Variants in NRXN3 observed in about 807,000 individuals in gnomAD.
The protein encoded by NRXN3 is neurexin III.
Under a neutral mutation model 137.6 loss-of-function variants are expected in NRXN3, and 32 were observed. That is an observed-to-expected ratio of 0.23 (90% CI 0.18 to 0.31). The LOEUF (loss-of-function observed/expected upper bound fraction) is 0.31. Among genes scored for constraint, NRXN3 ranks in the 10% least tolerant of loss-of-function variants. NRXN3 has a pLI of 1.00. For synonymous variants in NRXN3, 798 were observed against 784.5 expected, an observed-to-expected ratio of 1.02 and a Z score of -0.29; for missense variants, 1,574 against 2,062.5, an observed-to-expected ratio of 0.76 and a Z score of 4.59.
At chr14:78,674,775 G>A (rs2097982648) in intron 6 of NRXN3, among the ~76,000 whole-genome samples, 2 of 152,194 alleles carry the variant, frequency 1.3e-5, no homozygotes, top group African/African-American at 2.4e-5. Context: ...ACATTAAAAT[G>A]TTTTGCTTGA....
intron 15 of NRXN3, among the ~76,000 whole-genome samples, chr14:79,465,580 C>T (rs2096410636): frequency 1.3e-5 from 2 of 152,144 alleles, no homozygotes; most frequent in Non-Finnish European, 2.9e-5. Flanking sequence ...TCTAGTCTCA[C>T]AAGAGTTAAC....
At chr14:79,435,932 C>G (rs1333679711) in intron 15 of NRXN3, among the ~76,000 whole-genome samples, 2 of 152,112 alleles carry the variant, frequency 1.3e-5, no homozygotes, top group Non-Finnish European at 2.9e-5. Flanking sequence ...CCACACTTGG[C>G]AAATATTTAA....
intron 16 of NRXN3, among the ~76,000 whole-genome samples, chr14:79,601,199 C>G (rs960731060): frequency 1.3e-5 from 2 of 151,920 alleles, no homozygotes; most frequent in Admixed American, 6.6e-5. Flanking sequence ...CACGCCACCA[C>G]GCCCAACTAA....
At chr14:78,446,959 G>A (rs1012890763) in intron 4 of NRXN3, among the ~76,000 whole-genome samples, 7 of 152,128 alleles carry the variant, frequency 4.6e-5, no homozygotes, top group African/African-American at 1.7e-4. Context: ...AGCTTTACTC[G>A]CCATTTAAAG....
intron 15 of NRXN3, among the ~76,000 whole-genome samples, chr14:79,289,698 T>A (rs914847960): frequency 2.0e-5 from 3 of 152,192 alleles, no homozygotes; most frequent in African/African-American, 7.2e-5. Context: ...CTTGGTGTGT[T>A]CTGAAGGCTT....
chr14:78,417,705 T>C (rs934172309), intron 4 of NRXN3, among the ~76,000 whole-genome samples: 11 of 152,206 alleles, frequency 7.2e-5, no homozygotes, highest in Admixed American at 6.5e-4. Context: ...GGAGACAAGA[T>C]TCTCATCTTG....
chr14:79,345,578 T>C (rs2092829831), intron 15 of NRXN3, among the ~76,000 whole-genome samples: 1 of 152,172 alleles, frequency 6.6e-6, no homozygotes, highest in Non-Finnish European at 1.5e-5. Context: ...ATCCCCAGTG[T>C]TGGCGATGCA....
intron 15 of NRXN3, among the ~76,000 whole-genome samples, chr14:79,162,828 C>A (rs991599478): frequency 1.7e-4 from 26 of 151,838 alleles, no homozygotes; most frequent in Admixed American, 1.6e-3. Flanking sequence ...GCTGTGTCTC[C>A]TCTACTCCCC....
intron 4 of NRXN3, among the ~76,000 whole-genome samples, chr14:78,328,102 T>C (rs2080323792): frequency 1.3e-5 from 2 of 152,102 alleles, no homozygotes; most frequent in Admixed American, 1.3e-4. Context: ...AGTTGACACA[T>C]AACAAAGCCG....
chr14:79,196,333 A>G (rs944064382), intron 15 of NRXN3, among the ~76,000 whole-genome samples: 1 of 152,206 alleles, frequency 6.6e-6, no homozygotes, highest in Non-Finnish European at 1.5e-5. Context: ...GGGAAGTCTT[A>G]GTGCATGAAA....
chr14:79,506,742 C>T (rs2096882723), intron 16 of NRXN3, among the ~76,000 whole-genome samples: 2 of 152,072 alleles, frequency 1.3e-5, no homozygotes, highest in African/African-American at 4.8e-5. Context: ...AACCCCATAA[C>T]CTTTCATCTA....
At chr14:79,635,638 G>C (rs560941759) in intron 16 of NRXN3, among the ~76,000 whole-genome samples, 6 of 152,160 alleles carry the variant, frequency 3.9e-5, no homozygotes, top group Non-Finnish European at 8.8e-5. Flanking sequence ...TCCTTGGCTT[G>C]CAACTGCATC....
intron 19 of NRXN3, among the ~76,000 whole-genome samples, chr14:79,725,894 A>C (rs1457461877): frequency 6.6e-6 from 1 of 152,110 alleles, no homozygotes; most frequent in Non-Finnish European, 1.5e-5. Context: ...TACTTTTTGC[A>C]ACATGGGGAG....
chr14:79,757,023 AGTT>A (rs2099021945), intron 19 of NRXN3, among the ~76,000 whole-genome samples: 1 of 152,156 alleles, frequency 6.6e-6, no homozygotes, highest in Non-Finnish European at 1.5e-5. Context: ...CCAAATTAGT[AGTT>A]ATTCCTCATG....
chr14:79,237,799 G>A (rs936376625), intron 15 of NRXN3, among the ~76,000 whole-genome samples: 1 of 152,056 alleles, frequency 6.6e-6, no homozygotes, highest in African/African-American at 2.4e-5. Context: ...TTTTATTCAT[G>A]GATTAAAATC....
chr14:78,679,521 T>A lies in NRXN3; in HGVS notation c.1221+28195T>A, dbSNP rs1274151863. Among the ~76,000 whole-genome samples, 4 of 152,206 alleles carry A rather than the reference T, an allele frequency of 2.6e-5. No individual in the cohort carries two copies. In the East Asian group the frequency reaches 7.7e-4, roughly 29 times the overall value. On this transcript the variant is annotated intron_variant, in intron 6 of 20. Transcript: ENST00000335750. Reference sequence around the variant, plus strand: ...TCTTCTCTTAATTAATTAATTTCAATTTGATGAATTAACTTTAATAACATG... The same window carrying A: ...TCTTCTCTTAATTAATTAATTTCAAATTGATGAATTAACTTTAATAACATG...
intron 4 of NRXN3, among the ~76,000 whole-genome samples, chr14:78,452,253 C>G (rs768684050): frequency 5.3e-5 from 8 of 152,098 alleles, no homozygotes; most frequent in Non-Finnish European, 8.8e-5. Flanking sequence ...AGTAGTGTGC[C>G]CTAAGGCAAG....
chr14:79,270,159 G>A (rs2079086434), intron 15 of NRXN3, among the ~76,000 whole-genome samples: 1 of 152,288 alleles, frequency 6.6e-6, no homozygotes, highest in Non-Finnish European at 1.5e-5. Context: ...TCTTGCTTCA[G>A]GGTCCCTAAC....
intron 3 of NRXN3, among the ~76,000 whole-genome samples, chr14:78,287,102 A>G (rs2075264548): frequency 6.6e-6 from 1 of 152,214 alleles, no homozygotes; most frequent in Non-Finnish European, 1.5e-5. Flanking sequence ...TGATTCTAAT[A>G]CAACCAAAGT....
Sources: gnomAD v4.1 joint callset for allele counts (sites outside exome capture counted in the v4.1 genomes callset) on GRCh38, gnomAD v4.1.1 for gene constraint, MANE v1.5 for transcripts, NCBI Gene and HGNC (gene_info 2026-07-23, HGNC 2026-07-21) for gene names.